Variants in TRAF1 observed in about 807,000 individuals in gnomAD.
TRAF1 encodes TNF receptor associated factor 1, also known as TNF receptor-associated factor 1.
A neutral mutation model predicts 40.9 loss-of-function variants in TRAF1; 23 were observed. The ratio of observed to expected loss-of-function variants is 0.56; its 90% CI spans 0.40 to 0.80. TRAF1 has a LOEUF of 0.80. TRAF1 is among the 30% of genes least tolerant of loss of function. TRAF1 has a pLI of 0.00. For missense variants in TRAF1, 477 were observed against 528.7 expected (o/e 0.90, Z 0.96); for synonymous variants, 206 against 218.8 (o/e 0.94, Z 0.52).
intron 3 of TRAF1, among the ~76,000 whole-genome samples, chr9:120,915,786 A>G (rs564592599): frequency 6.6e-6 from 1 of 152,274 alleles, no homozygotes; most frequent in Admixed American, 6.5e-5. Flanking sequence ...CTGAGCTATG[A>G]TCACATCACT....
chr9:120,914,399 T>A (rs1330400092), intron 3 of TRAF1, 99 bp from the exon 4 acceptor site: 2 of 1,281,638 alleles, frequency 1.6e-6, no homozygotes, highest in African/African-American at 3.0e-5. Flanking sequence ...AGGAGATGGC[T>A]TGGGCCACAT....
At chr9:120,909,448 T>C in intron 6 of TRAF1, 70 bp from the exon 7 acceptor site, 1 of 1,573,124 alleles carries the variant, frequency 6.4e-7, no homozygotes. Context: ...GATCCAGTGG[T>C]CAGGCATGCC....
rs760403180 is a variant in TRAF1, at chr9:120,925,941, G to C, written c.135C>G (p.Asn45Lys). ...CCGCTCCTCCATCACCTCACCTCGG[G>C]TTCTCAGAGAGACAGCCTGCACAGC... ...ALCCAGCLSE[N>K]PRNGEDQICP... Residue 45 changes from asparagine (N) to lysine (K), a missense_variant, in exon 2 of 8, where the codon AAC (asparagine) becomes AAG (lysine). Asn to Lys is a moderately conservative substitution (Grantham distance 94). Coordinates refer to ENST00000373887, the MANE Select transcript of TRAF1 (RefSeq NM_005658.5). The C allele has an allele frequency of 1.3e-5, 21 of 1,613,882 alleles. No homozygotes were observed. Among genetic ancestry groups the C allele is most frequent in the Admixed American group, 1.0e-4 (6 of 60,010 alleles).
At position 120,926,063 on chromosome 9, in the gene TRAF1, A is replaced by G; in HGVS notation, c.13T>C (p.Ser5Pro). 6.3e-7 allele frequency: 1 copy of G among 1,593,270 alleles called. No homozygotes were observed. The highest frequency in any genetic ancestry group is 8.5e-7 in the Non-Finnish European group (1 of 1,169,738). Residue 5 changes from serine to proline, a missense_variant, in exon 2 of 8, where the codon TCA (serine) becomes CCA (proline). Transcript: ENST00000373887. ...GGGGCCGGGCGAGGACTGCTGCCTG[A>G]GCTGGAGGCCATCTCAGGGTTCCAG... Reference protein sequence around the residue: MASSSGSSPRPAPDE... With the variant: MASSPGSSPRPAPDE...
intron 3 of TRAF1, chr9:120,914,590 C>T (rs989780802): frequency 3.7e-6 from 4 of 1,075,132 alleles, no homozygotes; most frequent in African/African-American, 1.7e-5. Context: ...CTCTGGTTGC[C>T]CCGACTGGTC....
At position 120,904,420 on chromosome 9, in the gene TRAF1, A is replaced by T. The variant is rs1211107518; in HGVS notation, c.*600T>A. The T allele has an allele frequency of 1.3e-5, 2 of 154,204 alleles. No homozygotes were observed. The highest frequency in any genetic ancestry group is 2.9e-5 in the Non-Finnish European group (2 of 69,486). 9.6% of individuals were successfully genotyped at this position (154,204 alleles called of 1,614,324 possible). ...AGGACTCACCTGGGCCAGGAGGCCT[A>T]GAATGAGAGACTTTCTGGGCTGGAA... On this transcript the variant is annotated 3_prime_UTR_variant, in exon 8 of 8. Coordinates refer to ENST00000373887, the MANE Select transcript of TRAF1 (RefSeq NM_005658.5).
rs1215814872 is a variant in TRAF1 at position 120,926,291 on chromosome 9, G to A, written c.-216C>T. 6 of 457,322 alleles carry A rather than the reference G, an allele frequency of 1.3e-5. No homozygotes were observed. The highest frequency in any genetic ancestry group is 2.3e-5 in the Non-Finnish European group (6 of 266,614). 28.3% of individuals were successfully genotyped at this position (457,322 alleles called of 1,614,324 possible). A position where few individuals can be genotyped will look rare whatever the true frequency, so the allele number is the denominator to read the frequency against. On this transcript the variant is annotated 5_prime_UTR_variant, in exon 2 of 8. Coordinates refer to ENST00000373887, the MANE Select transcript of TRAF1 (RefSeq NM_005658.5). ...TGTGGCGATAAAAATCCCCTGGATG[G>A]TGACTGAAGGCTTTAGGAGTGTCCA...
At chr9:120,909,130 G>T in intron 7 of TRAF1, 100 bp downstream of exon 7, 1 of 1,422,000 alleles carries the variant, frequency 7.0e-7, no homozygotes, top group Non-Finnish European at 9.6e-7. Flanking sequence ...AGAGAGGGTG[G>T]GGGACTTGCC....
chr9:120,924,101 A>AG (rs906759135), intron 2 of TRAF1, among the ~76,000 whole-genome samples: 6 of 152,204 alleles, frequency 3.9e-5, no homozygotes, highest in African/African-American at 1.4e-4. Flanking sequence ...GCTTGATTAC[A>AG]GGGCACTGCC....
chr9:120,922,250 G>T (rs1456807535), intron 3 of TRAF1, among the ~76,000 whole-genome samples: 2 of 151,518 alleles, frequency 1.3e-5, no homozygotes, highest in Non-Finnish European at 2.9e-5. Flanking sequence ...ATACGAGTGT[G>T]TTTTTTTTTA....
Position 120,923,786 on chromosome 9 carries a change from G to A in TRAF1, c.147C>T (p.Gly49=), listed in dbSNP as rs1588153649. The change falls in exon 3 of 8, where the codon GGC becomes GGT. Residue 49 remains glycine, a synonymous_variant. Coordinates refer to ENST00000373887, the MANE Select transcript of TRAF1 (RefSeq NM_005658.5). ...TGCATTTGGGGCAGATCTGATCCTC[G>A]CCATTCCTGGGGAAACATGGACAAA... ...AGCLSENPRN[G]EDQICPKCRG... 9 of 1,613,838 alleles carry A rather than the reference G, an allele frequency of 5.6e-6. No individual in the cohort carries two copies. The highest frequency in any genetic ancestry group is 2.2e-5 in the East Asian group (1 of 44,894).
rs868735971 is a variant in TRAF1, at chr9:120,902,513, G to C, written c.*2507C>G. 7.6e-5 allele frequency: 6 copies of C among 78,948 alleles called. No homozygotes were observed. The highest frequency in any genetic ancestry group is 2.9e-4 in the South Asian group (1 of 3,460). 4.9% of individuals were successfully genotyped at this position (78,948 alleles called of 1,614,324 possible). On this transcript the variant is annotated 3_prime_UTR_variant, in exon 8 of 8. Transcript: ENST00000373887. ...TGCTCTGTGGGCAGGGCGGGGGGTG[G>C]GGGGGGGGGCGGTGGGCACTGCTGC... is the stretch of plus-strand genomic sequence containing the variant.
chr9:120,911,538 GA>G, intron 5 of TRAF1, 25 bp from the exon 6 acceptor site: 2 of 1,595,854 alleles, frequency 1.3e-6, no homozygotes, highest in South Asian at 2.2e-5. Context: ...GTTCAGCCAG[GA>G]ACACCAGAAC....
chr9:120,908,705 G>A (rs1446505191), intron 7 of TRAF1, among the ~76,000 whole-genome samples: 1 of 152,060 alleles, frequency 6.6e-6, no homozygotes, highest in Non-Finnish European at 1.5e-5. Context: ...GATTACAGGT[G>A]CATGCCACCA....
intron 3 of TRAF1, among the ~76,000 whole-genome samples, chr9:120,919,256 G>A (rs1236391835): frequency 6.6e-6 from 1 of 152,206 alleles, no homozygotes; most frequent in Admixed American, 6.5e-5. Flanking sequence ...TTCCTCCGAG[G>A]AGGAGACAGA....
Position 120,911,461 on chromosome 9 carries a change from A to G in TRAF1, c.758T>C (p.Leu253Pro), listed in dbSNP as rs1389245571. The G allele has an allele frequency of 6.2e-7, 1 of 1,613,484 alleles. No homozygotes were observed. The highest frequency in any genetic ancestry group is 8.5e-7 in the Non-Finnish European group (1 of 1,180,012). ...LAQKDQALGK[L>P]EQSLRLMEEA... The stretch of plus-strand genomic sequence containing the variant: ...CTCCATGAGGCGCAAGCTCTGCTCC[A>G]GCTTGCCCAGGGCCTGGTCTTTCTG... The change falls in exon 6 of 8, where the codon CTG (leucine) becomes CCG (proline). Residue 253 changes from leucine to proline, a missense_variant. Physicochemically the swap from Leu to Pro is moderately conservative, Grantham distance 98. Transcript: ENST00000373887.
Position 120,914,243 on chromosome 9 carries a change from A to G in TRAF1, c.286T>C (p.Ser96Pro), listed in dbSNP as rs2046553289. Residue 96 changes from serine (S) to proline (P), a missense_variant, in exon 4 of 8, where the codon TCC (serine) becomes CCC (proline). Ser to Pro is a moderately conservative substitution (Grantham distance 74, BLOSUM62 -1). Transcript: ENST00000373887. ...IGCPFAGVGC[S>P]FKGSPQSVQE... ...CACACTCAGATGCTTACCTTGAAGG[A>G]GCAGCCGACACCTGCAAAGGGGCAC... The G allele has an allele frequency of 5.2e-6, 8 of 1,537,540 alleles. No homozygotes were observed. Among genetic ancestry groups the G allele is most frequent in the Non-Finnish European group, 7.1e-6 (8 of 1,131,232 alleles).
rs752895354 is a variant in TRAF1, at chr9:120,925,917, C to G, written c.140+19G>C. On this transcript the variant is annotated intron_variant, in intron 2 of 7. Coordinates refer to ENST00000373887, the MANE Select transcript of TRAF1 (RefSeq NM_005658.5). ...TGGCACCCACTTTCTGCCCACCCTC[C>G]GCTCCTCCATCACCTCACCTCGGGT... 34 of 1,613,522 alleles carry G rather than the reference C, an allele frequency of 2.1e-5. No homozygotes were observed. Among genetic ancestry groups the G allele is most frequent in the Non-Finnish European group, 2.7e-5 (32 of 1,179,850 alleles).
chr9:120,907,199 G>A (rs189712144), intron 7 of TRAF1, among the ~76,000 whole-genome samples: 1 of 152,222 alleles, frequency 6.6e-6, no homozygotes, highest in African/African-American at 2.4e-5. Flanking sequence ...ATGTCATATA[G>A]TTGGAAGCAT....
Sources: allele counts gnomAD v4.1 joint callset (sites outside exome capture counted in the v4.1 genomes callset), GRCh38; gene constraint gnomAD v4.1.1; transcripts MANE v1.5; gene names NCBI Gene and HGNC (gene_info 2026-07-23, HGNC 2026-07-21).